Variants in SYNPR observed in about 807,000 individuals in gnomAD.
SYNPR encodes synaptoporin.
SYNPR carries 23 observed loss-of-function variants against 32.9 expected under a neutral mutation model. That is an observed-to-expected ratio of 0.70 (90% CI 0.50 to 0.99). The LOEUF (loss-of-function observed/expected upper bound fraction) is 0.99. SYNPR is among the 50% of genes least tolerant of loss of function. SYNPR has a pLI of 0.00. For synonymous variants in SYNPR, 146 were observed against 135.9 expected (o/e 1.07, Z -0.52); for missense variants, 318 against 349.3 (o/e 0.91, Z 0.71).
At chr3:63,287,266 G>A (rs544478292) in intron 2 of SYNPR, among the ~76,000 whole-genome samples, 4 of 152,216 alleles carry the variant, frequency 2.6e-5, no homozygotes, top group South Asian at 4.2e-4. Flanking sequence ...GCCTGGTGAC[G>A]GTTTCTTGCT....
At chr3:63,256,945 G>A (rs540324357) in intron 2 of SYNPR, among the ~76,000 whole-genome samples, 2 of 152,264 alleles carry the variant, frequency 1.3e-5, no homozygotes, top group East Asian at 1.9e-4. Context: ...CAGCCAATTC[G>A]ATCAACTGGA....
chr3:63,531,683 A>G (rs1575695585), intron 3 of SYNPR, among the ~76,000 whole-genome samples: 1 of 152,126 alleles, frequency 6.6e-6, no homozygotes. Flanking sequence ...GGCCCAAGTA[A>G]TCATCTCTGC....
At chr3:63,286,855 A>G (rs1320087856) in intron 2 of SYNPR, among the ~76,000 whole-genome samples, 3 of 152,180 alleles carry the variant, frequency 2.0e-5, no homozygotes, top group African/African-American at 7.2e-5. Context: ...TGTTTAGCAA[A>G]CTGTTAACTA....
intron 4 of SYNPR, among the ~76,000 whole-genome samples, chr3:63,577,868 C>G (rs1575720361): frequency 6.6e-6 from 1 of 152,022 alleles, no homozygotes; most frequent in African/African-American, 2.4e-5. Context: ...TATTAGCAAG[C>G]CTGCGTTTTT....
At chr3:63,582,329 A>G (rs963695288) in intron 4 of SYNPR, among the ~76,000 whole-genome samples, 1 of 152,064 alleles carries the variant, frequency 6.6e-6, no homozygotes, top group Non-Finnish European at 1.5e-5. Context: ...CGCTTTTTTT[A>G]GTAGCTAATT....
intron 3 of SYNPR, among the ~76,000 whole-genome samples, chr3:63,520,721 AAC>A (rs369578011): frequency 1.3e-4 from 20 of 151,914 alleles, no homozygotes; most frequent in African/African-American, 4.6e-4. Context: ...CCATCAATTT[AAC>A]AGGCAGAAAG....
At chr3:63,367,650 G>A (rs529411522) in intron 2 of SYNPR, among the ~76,000 whole-genome samples, 32 of 152,196 alleles carry the variant, frequency 2.1e-4, no homozygotes, top group African/African-American at 6.5e-4. Context: ...GTGAGCTATT[G>A]CATCTGGCCT....
intron 3 of SYNPR, among the ~76,000 whole-genome samples, chr3:63,491,694 T>C (rs1282907836): frequency 1.3e-5 from 2 of 152,108 alleles, no homozygotes; most frequent in Non-Finnish European, 2.9e-5. Flanking sequence ...CTAATTTTTG[T>C]ATTTTTACTA....
intron 4 of SYNPR, among the ~76,000 whole-genome samples, chr3:63,600,219 G>A (rs991974223): frequency 6.6e-6 from 1 of 152,192 alleles, no homozygotes; most frequent in African/African-American, 2.4e-5. Context: ...TGGCGTATAG[G>A]AAGCACTCAG....
chr3:63,536,013 C>T (rs1702199220), intron 3 of SYNPR, among the ~76,000 whole-genome samples: 1 of 151,944 alleles, frequency 6.6e-6, no homozygotes, highest in East Asian at 1.9e-4. Flanking sequence ...TGCCTGTAAC[C>T]CCAGCACTTT....
intron 4 of SYNPR, among the ~76,000 whole-genome samples, chr3:63,569,317 G>C (rs1702845911): frequency 6.6e-6 from 1 of 152,208 alleles, no homozygotes; most frequent in Middle Eastern, 3.4e-3. Flanking sequence ...GAAGGCAGAA[G>C]TTTCTAATTT....
chr3:63,228,633 T>C (rs2086146702), intron 1 of SYNPR, among the ~76,000 whole-genome samples: 1 of 152,186 alleles, frequency 6.6e-6, no homozygotes, highest in South Asian at 2.1e-4. Flanking sequence ...TCAAGATTTC[T>C]AGACCCACCC....
At chr3:63,382,101 A>C (rs975451130) in intron 2 of SYNPR, among the ~76,000 whole-genome samples, 1 of 152,234 alleles carries the variant, frequency 6.6e-6, no homozygotes, top group Non-Finnish European at 1.5e-5. Context: ...AACATAATTT[A>C]GAAAACTCAA....
At chr3:63,220,938 A>G in the SYNPR span, among the ~76,000 whole-genome samples, 119,662 of 152,128 alleles carry the variant, frequency 0.79, 47,598 homozygotes, top group Middle Eastern at 0.88. Context: ...TATAACCAAT[A>G]TGCAATTCTT....
chr3:63,420,964 T>A (rs985774524), intron 2 of SYNPR, among the ~76,000 whole-genome samples: 12 of 152,262 alleles, frequency 7.9e-5, no homozygotes, highest in African/African-American at 2.9e-4. Flanking sequence ...CACTGCAGCC[T>A]CAACCTCCCA....
chr3:63,255,499 A>G (rs17067966), intron 2 of SYNPR, among the ~76,000 whole-genome samples: 2,295 of 152,316 alleles, frequency 0.015, 59 homozygotes, highest in African/African-American at 0.052. Context: ...ATACTGATTT[A>G]TGATACTCCC....
chr3:63,300,952 C>T (rs1014901753), intron 2 of SYNPR, among the ~76,000 whole-genome samples: 2 of 151,986 alleles, frequency 1.3e-5, no homozygotes, highest in Non-Finnish European at 1.5e-5. Flanking sequence ...AAAATTAACC[C>T]TATTTTCTAA....
chr3:63,277,560 A>G (rs1341547732), upstream of SYNPR, among the ~76,000 whole-genome samples: 1 of 152,200 alleles, frequency 6.6e-6, no homozygotes, highest in African/African-American at 2.4e-5. Flanking sequence ...CCTAAATTTC[A>G]TTCCCTGTTT....
chr3:63,554,983 T>C (rs1278836580), intron 3 of SYNPR, among the ~76,000 whole-genome samples: 2 of 152,148 alleles, frequency 1.3e-5, no homozygotes, highest in Non-Finnish European at 2.9e-5. Flanking sequence ...CTATGGTAAA[T>C]GAGATTGTGC....
Sources: gnomAD v4.1 joint callset for allele counts (sites outside exome capture counted in the v4.1 genomes callset) on GRCh38, gnomAD v4.1.1 for gene constraint, MANE v1.5 for transcripts, NCBI Gene and HGNC (gene_info 2026-07-23, HGNC 2026-07-21) for gene names.